Variants in GLB1L2 observed in about 807,000 individuals in gnomAD.
The protein encoded by GLB1L2 is galactosidase beta 1 like 2, also known as beta-galactosidase-1-like protein 2.
GLB1L2 carries 68 observed loss-of-function variants against 84.1 expected under a neutral mutation model. That is an observed-to-expected ratio of 0.81 (90% confidence interval 0.67 to 0.99). The LOEUF is 0.99. Among genes scored for constraint, GLB1L2 ranks in the 50% least tolerant of loss-of-function variants. GLB1L2 has a pLI of 0.00. For synonymous variants in GLB1L2, 290 were observed against 318.0 expected, an observed-to-expected ratio of 0.91 and a Z score of 0.94; for missense variants, 762 against 805.6, an observed-to-expected ratio of 0.95 and a Z score of 0.66.
Position 134,375,145 on chromosome 11 carries a change from C to G in GLB1L2, c.*87C>G. On this transcript the variant is annotated 3_prime_UTR_variant, in exon 19 of 19. Transcript: ENST00000535456. The stretch of plus-strand genomic sequence containing the variant: ...CTGGTGGCTGCTGCCCCACCCCTCA[C>G]TGCAAAAGCATCTCCTTAAGTAGCA... The G allele has an allele frequency of 9.9e-7, 1 of 1,012,858 alleles. No individual in the cohort carries two copies. The allele number at this position is 1,012,858 out of a possible 1,614,324, so 62.7% of individuals were successfully genotyped here.
At chr11:134,353,594 A>AT (rs113210721) in intron 5 of GLB1L2, among the ~76,000 whole-genome samples, 31,764 of 151,650 alleles carry the variant, frequency 0.21, 3,551 homozygotes, top group Middle Eastern at 0.32. Flanking sequence ...TTGGTTACTA[A>AT]TTTTCTGTCT....
chr11:134,344,258 C>T, intron 2 of GLB1L2, 129 bp from the exon 3 acceptor site: 1 of 1,142,846 alleles, frequency 8.8e-7, no homozygotes, highest in Non-Finnish European at 1.3e-6. Flanking sequence ...GTTCTTGGTT[C>T]CAGTCCTAAA....
chr11:134,337,739 C>G (rs946614570), intron 1 of GLB1L2, among the ~76,000 whole-genome samples: 2 of 152,176 alleles, frequency 1.3e-5, no homozygotes, highest in Non-Finnish European at 2.9e-5. Context: ...TTGTGGGCAG[C>G]TGAACACACT....
chr11:134,357,860 C>T (rs1036199696), intron 6 of GLB1L2, among the ~76,000 whole-genome samples: 2 of 152,184 alleles, frequency 1.3e-5, no homozygotes, highest in African/African-American at 4.8e-5. Context: ...CAGGCGGGAG[C>T]AATTATCCCC....
chr11:134,354,298 C>G (rs544313494), intron 5 of GLB1L2, among the ~76,000 whole-genome samples: 2 of 152,226 alleles, frequency 1.3e-5, no homozygotes, highest in South Asian at 4.1e-4. Context: ...CAGTTCTGCC[C>G]TTCCACTTTA....
intron 1 of GLB1L2, among the ~76,000 whole-genome samples, chr11:134,336,784 TC>T (rs1943394140): frequency 1.3e-5 from 2 of 152,158 alleles, no homozygotes; most frequent in Non-Finnish European, 2.9e-5. Flanking sequence ...ATAATGTTTT[TC>T]CGTATTTGTG....
chr11:134,344,165 C>T (rs565629239), intron 2 of GLB1L2, among the ~76,000 whole-genome samples: 43 of 152,304 alleles, frequency 2.8e-4, no homozygotes, highest in African/African-American at 6.3e-4. Context: ...TTTACTCAGC[C>T]GGTCTTATGC....
In GLB1L2 at chr11:134,332,066, C is replaced by T. The variant is rs1314384975; in HGVS notation, c.5C>T (p.Thr2Ile). The T allele has an allele frequency of 1.9e-6, 3 of 1,576,870 alleles. No homozygotes were observed. Among genetic ancestry groups the T allele is most frequent in the East Asian group, 2.4e-5 (1 of 42,542 alleles). ...CCCGCGCTTAGAGAACACGCGATGA[C>T]CACGTGGAGCCTCCGGCGGAGGCCG... M[T>I]TWSLRRRPAR... Residue 2 changes from threonine (T) to isoleucine (I), a missense_variant, in exon 1 of 19, where the codon ACC (threonine) becomes ATC (isoleucine). Physicochemically the swap from Thr to Ile is moderately conservative, Grantham distance 89. Around this residue, in one of 3 missense-constraint regions of GLB1L2, gnomAD observed 100 missense variants for 88.8 expected, o/e 1.13. Coordinates refer to ENST00000535456, the MANE Select transcript of GLB1L2 (RefSeq NM_001370461.1).
In GLB1L2 at chr11:134,370,051, G is replaced by A. The variant is rs114055187; in HGVS notation, c.1108+166G>A. On this transcript the variant is annotated intron_variant, in intron 11 of 18. Coordinates refer to ENST00000535456, the MANE Select transcript of GLB1L2 (RefSeq NM_001370461.1). The surrounding 1 kb of genome is among the most constrained non-coding windows in gnomAD (Gnocchi z 4.7). ...TGTGTGAGGCTGTTTCCATCTTGCC[G>A]GCTTCACCTGTTACAGGTGTTAACG... 8.2e-3 allele frequency among the ~76,000 whole-genome samples: 1,250 copies of A among 152,220 alleles called. 20 individuals carry two copies. The highest frequency in any genetic ancestry group is 0.028 in the African/African-American group (1,163 of 41,526).
intron 6 of GLB1L2, among the ~76,000 whole-genome samples, chr11:134,357,048 C>T (rs913509059): frequency 5.3e-5 from 8 of 152,172 alleles, no homozygotes; most frequent in South Asian, 2.1e-4. Context: ...TGTGATATCC[C>T]GCAGCTCAGT....
chr11:134,370,334 C>T lies in GLB1L2; in HGVS notation c.1150C>T (p.Pro384Ser), dbSNP rs141818395. The T allele has an allele frequency of 2.5e-6, 4 of 1,613,938 alleles. No individual in the cohort carries two copies. In the South Asian group the frequency reaches 3.3e-5, roughly 13 times the overall value. Residue 384 changes from proline to serine, a missense_variant, in exon 12 of 19, where the codon CCG becomes TCG. By Grantham distance (74) the Pro-to-Ser change is moderately conservative. Coordinates refer to ENST00000535456, the MANE Select transcript of GLB1L2 (RefSeq NM_001370461.1). This position sits in a 1 kb window ranked among gnomAD's most constrained non-coding sequence, Gnocchi z 4.7. Reference sequence around the variant, plus strand: ...CCCACCTGACCTTCTTCCCAAGATGCCGTATGAGCCCTTAACGCCAGTCTT... The same window carrying T: ...CCCACCTGACCTTCTTCCCAAGATGTCGTATGAGCCCTTAACGCCAGTCTT... ...PPPPDLLPKM[P>S]YEPLTPVLYL... is the part of the protein sequence containing the mutation.
chr11:134,332,039 TC>T lies in GLB1L2; in HGVS notation c.-19del, dbSNP rs776533725. 26 of 1,514,812 alleles carry T rather than the reference TC, an allele frequency of 1.7e-5. No individual in the cohort carries two copies. The highest frequency in any genetic ancestry group is 2.3e-4 in the Middle Eastern group (1 of 4,342). 93.8% of individuals were successfully genotyped at this position (1,514,812 alleles called of 1,614,324 possible). On this transcript the variant is annotated 5_prime_UTR_variant, in exon 1 of 19. Coordinates refer to ENST00000535456, the MANE Select transcript of GLB1L2 (RefSeq NM_001370461.1). The stretch of plus-strand genomic sequence containing the variant: ...GTGCGGACTGGAGTGGGAACCCGGG[TC>T]CCCGCGCTTAGAGAACACGCGATGA...
Position 134,342,936 on chromosome 11 carries a change from T to TG in GLB1L2, c.270dup (p.Asn91GlufsTer13). The TG allele has an allele frequency of 6.2e-7, 1 of 1,612,650 alleles. No homozygotes were observed. ...CTGCTGAAGATGAAGGCCTGTGGCT[T>TG]GAACACCCTCACCACGTAGGTGCTG... On this transcript the variant is annotated frameshift_variant, in exon 2 of 19. Transcript: ENST00000535456. LOFTEE classifies it high-confidence loss of function.
chr11:134,347,149 G>GCT, intron 4 of GLB1L2, 176 bp from the exon 5 acceptor site: 1 of 626,248 alleles, frequency 1.6e-6, no homozygotes, highest in Non-Finnish European at 2.9e-6. Flanking sequence ...GCGGGTGGGT[G>GCT]CTCGCCCCAG....
rs147889120 is a variant in GLB1L2, at chr11:134,368,642, A to G, written c.890-2A>G. On this transcript the variant is annotated splice_acceptor_variant, in intron 9 of 18. Coordinates refer to ENST00000535456, the MANE Select transcript of GLB1L2 (RefSeq NM_001370461.1). LOFTEE classifies it high-confidence loss of function. ...ACATCCCCTTTCTCCCTCCTCCGGC[A>G]GAGGTTTTGAAAACCGTGTCTGCCA... is the stretch of plus-strand genomic sequence containing the variant. 24 of 1,613,698 alleles carry G rather than the reference A, an allele frequency of 1.5e-5. No homozygotes were observed. Among genetic ancestry groups the G allele is most frequent in the Non-Finnish European group, 2.0e-5 (24 of 1,179,984 alleles).
At chr11:134,362,700 G>A (rs1000457020) in intron 7 of GLB1L2, among the ~76,000 whole-genome samples, 15 of 152,224 alleles carry the variant, frequency 9.9e-5, no homozygotes, top group African/African-American at 3.6e-4. Flanking sequence ...CCCTCCACCT[G>A]CCACACACGC....
At position 134,368,587 on chromosome 11, in the gene GLB1L2, C is replaced by T. The variant is rs557032028; in HGVS notation, c.890-57C>T. The T allele has an allele frequency of 1.7e-4, 265 of 1,596,300 alleles. No homozygotes were observed. The Admixed American group carries it at 2.3e-3, about 14-fold the overall frequency. On this transcript the variant is annotated intron_variant, in intron 9 of 18. Coordinates refer to ENST00000535456, the MANE Select transcript of GLB1L2 (RefSeq NM_001370461.1). The stretch of plus-strand genomic sequence containing the variant: ...AAAGAGGAGAGTAGTGAAGGGACCC[C>T]GGCTCATCTCAGACTTTAACTCACT...
chr11:134,332,213 C>G, intron 1 of GLB1L2, 66 bp downstream of exon 1: 1 of 1,189,548 alleles, frequency 8.4e-7, no homozygotes, highest in Non-Finnish European at 1.2e-6. Flanking sequence ...ACCTCGGGTT[C>G]TCTCCTCCCG....
chr11:134,336,871 C>G lies in GLB1L2; in HGVS notation c.86+4724C>G, dbSNP rs1943395379. On this transcript the variant is annotated intron_variant, in intron 1 of 18. Coordinates refer to ENST00000535456, the MANE Select transcript of GLB1L2 (RefSeq NM_001370461.1). Reference sequence around the variant, plus strand: ...ATCAAGAGTAGAGGCCTTGTGTTATCTAACAGAGCTTTCTCTCTGGGTGAG... The same window carrying G: ...ATCAAGAGTAGAGGCCTTGTGTTATGTAACAGAGCTTTCTCTCTGGGTGAG... Among the ~76,000 whole-genome samples, 3 of 152,312 alleles carry G rather than the reference C, an allele frequency of 2.0e-5. No homozygotes were observed. In the South Asian group the frequency reaches 6.2e-4, roughly 32 times the overall value.
Sources: allele counts gnomAD v4.1 joint callset (sites outside exome capture counted in the v4.1 genomes callset), GRCh38; gene constraint gnomAD v4.1.1; regional missense constraint gnomAD v4.1.1; non-coding constraint Gnocchi (gnomAD v3.1); transcripts MANE v1.5; gene names NCBI Gene and HGNC (gene_info 2026-07-23, HGNC 2026-07-21).